FHAD1: variants seen among roughly 807,000 people sequenced by gnomAD.
FHAD1 encodes forkhead associated phosphopeptide binding domain 1, also known as forkhead-associated domain-containing protein 1.
FHAD1 carries 146 observed loss-of-function variants against 191.3 expected under a neutral mutation model. The ratio of observed to expected loss-of-function variants is 0.76; its 90% confidence interval spans 0.67 to 0.88. The LOEUF (loss-of-function observed/expected upper bound fraction) is 0.88. Among genes scored for constraint, FHAD1 ranks in the 40% least tolerant of loss-of-function variants. FHAD1 has a pLI of 0.00. For synonymous variants in FHAD1, 616 were observed against 672.3 expected (o/e 0.92, Z 1.29); for missense variants, 1,635 against 1,785.8 (o/e 0.92, Z 1.52).
chr1:15,355,878 C>CA (rs34637530), intron 20 of FHAD1, among the ~76,000 whole-genome samples: 10 of 134,828 alleles, frequency 7.4e-5, no homozygotes, highest in African/African-American at 2.7e-4. Context: ...TTAATTTATT[C>CA]AAAAAAAAGT....
chr1:15,375,045 A>T (rs1354212347), intron 27 of FHAD1, among the ~76,000 whole-genome samples: 4 of 151,544 alleles, frequency 2.6e-5, no homozygotes, highest in African/African-American at 9.7e-5. Context: ...TTTAGTAGAG[A>T]CGGGATTTCA....
chr1:15,256,201 A>G (rs12043769), intron 2 of FHAD1, among the ~76,000 whole-genome samples: 13,104 of 152,250 alleles, frequency 0.086, 1,152 homozygotes, highest in East Asian at 0.25. Flanking sequence ...GAACGCAGCA[A>G]TGTCACAAGC....
chr1:15,378,837 T>C (rs1232571367), intron 28 of FHAD1, among the ~76,000 whole-genome samples: 4 of 152,202 alleles, frequency 2.6e-5, no homozygotes, highest in African/African-American at 9.7e-5. Context: ...TTGGTGTTCG[T>C]GGCGAGCACT....
At chr1:15,278,376 C>T (rs990995760) in intron 3 of FHAD1, among the ~76,000 whole-genome samples, 1 of 152,088 alleles carries the variant, frequency 6.6e-6, no homozygotes, top group South Asian at 2.1e-4. Flanking sequence ...AGAATGAATG[C>T]CCCCACTATC....
downstream of FHAD1, chr1:15,399,842 T>C (rs1436813262): frequency 1.3e-5 from 2 of 152,312 alleles, no homozygotes; most frequent in Non-Finnish European, 1.5e-5. Flanking sequence ...GTGCAGCAGA[T>C]ACTGCAGCTG....
chr1:15,361,784 AT>A (rs1694887253), intron 22 of FHAD1, among the ~76,000 whole-genome samples: 1 of 151,704 alleles, frequency 6.6e-6, no homozygotes. Context: ...AGGCCGGCGG[AT>A]CACTAGGCCA....
At chr1:15,265,430 T>C (rs1040862790) in intron 2 of FHAD1, among the ~76,000 whole-genome samples, 6 of 152,330 alleles carry the variant, frequency 3.9e-5, no homozygotes, top group Middle Eastern at 3.4e-3. Flanking sequence ...CAGAGCTTTC[T>C]ACTAACATCA....
In FHAD1 at chr1:15,328,255, T is replaced by TC. The variant is rs1182814632; in HGVS notation, c.1558-20dup. 6 of 1,458,600 alleles carry TC rather than the reference T, an allele frequency of 4.1e-6. No homozygotes were observed. In the South Asian group the frequency reaches 7.1e-5, roughly 17 times the overall value. The allele number at this position is 1,458,600 out of a possible 1,614,324, so 90.4% of individuals were successfully genotyped here. ...GTATGTTACATCTTTTTTTTTTTTT[T>TC]CCTTTTTCTTTTTCTCACCAGTTAA... On this transcript the variant is annotated intron_variant, in intron 12 of 33. Coordinates refer to ENST00000688493, the MANE Select transcript of FHAD1 (RefSeq NM_001391957.1).
chr1:15,281,531 G>A (rs941816954), intron 3 of FHAD1, among the ~76,000 whole-genome samples: 4 of 151,996 alleles, frequency 2.6e-5, no homozygotes, highest in Admixed American at 1.3e-4. Context: ...AAGTCAAGGT[G>A]GGTGGATCAC....
chr1:15,312,961 T>G lies in FHAD1; in HGVS notation c.1040-96T>G, dbSNP rs1459682198. ...CTGGGATCCTTGGAGACACCTCCCTTCTCAGTGCCAGGCTCGTCACAAACT... is the reference window on the plus strand; with the variant it reads ...CTGGGATCCTTGGAGACACCTCCCTGCTCAGTGCCAGGCTCGTCACAAACT... On this transcript the variant is annotated intron_variant, in intron 7 of 33. Transcript: ENST00000688493. The surrounding 1 kb of genome is among the most constrained non-coding windows in gnomAD (Gnocchi z 4.7). 1.8e-5 allele frequency: 26 copies of G among 1,467,714 alleles called. No individual in the cohort carries two copies. Among genetic ancestry groups the G allele is most frequent in the Non-Finnish European group, 2.4e-5 (26 of 1,088,448 alleles). 90.9% of individuals were successfully genotyped at this position (1,467,714 alleles called of 1,614,324 possible). A position where few individuals can be genotyped will look rare whatever the true frequency, so the allele number is the denominator to read the frequency against.
intron 6 of FHAD1, among the ~76,000 whole-genome samples, chr1:15,303,774 G>C (rs1669564507): frequency 1.3e-5 from 2 of 151,890 alleles, no homozygotes. Context: ...ACTTGAACTT[G>C]GGAGGTAGAG....
chr1:15,306,421 G>T (rs1399263789), intron 6 of FHAD1, among the ~76,000 whole-genome samples: 1 of 152,232 alleles, frequency 6.6e-6, no homozygotes, highest in Non-Finnish European at 1.5e-5. Context: ...GCCAGCTGCA[G>T]AAATTTGCAT....
Position 15,367,503 on chromosome 1 carries a change from C to T in FHAD1, c.3195C>T (p.Asn1065=), listed in dbSNP as rs887478575. The T allele has an allele frequency of 4.5e-6, 7 of 1,551,324 alleles. No homozygotes were observed. Among genetic ancestry groups the T allele is most frequent in the African/African-American group, 1.4e-5 (1 of 73,070 alleles). The stretch of plus-strand genomic sequence containing the variant: ...AGCAGAAGATGGAACTGGAGCAGAA[C>T]GTGGTGCTGGTCCAGCAGCAGAGCA... ...NEKQKMELEQ[N]VVLVQQQSKE... The change falls in exon 25 of 34, where the codon AAC becomes AAT. Residue 1065 remains asparagine (N), a synonymous_variant. Transcript: ENST00000688493.
chr1:15,236,900 G>A (rs947005837), intron 1 of FHAD1, among the ~76,000 whole-genome samples: 4 of 152,208 alleles, frequency 2.6e-5, no homozygotes, highest in African/African-American at 9.6e-5. Flanking sequence ...CCAGTGGGAG[G>A]TAATTGAGTC....
intron 31 of FHAD1, among the ~76,000 whole-genome samples, chr1:15,387,647 G>T (rs1397223537): frequency 1.3e-5 from 2 of 152,154 alleles, no homozygotes; most frequent in African/African-American, 4.8e-5. Context: ...CACTTTGGGA[G>T]GGTGATGTAG....
chr1:15,398,504 C>A (rs1706662511), downstream of FHAD1, among the ~76,000 whole-genome samples: 1 of 152,094 alleles, frequency 6.6e-6, no homozygotes, highest in Non-Finnish European at 1.5e-5. Flanking sequence ...AATCACACAG[C>A]TAGTCAACTC....
chr1:15,263,864 C>T lies in FHAD1; in HGVS notation c.94-8459C>T, dbSNP rs139245754. 5.5e-3 allele frequency among the ~76,000 whole-genome samples: 834 copies of T among 152,268 alleles called. 5 individuals are homozygous for T. The highest frequency in any genetic ancestry group is 0.019 in the African/African-American group (796 of 41,540). The stretch of plus-strand genomic sequence containing the variant: ...AATACATGTGGATATCCAGTTTTCC[C>T]AGCATCATTTGTTGAAAAGACTGTC... On this transcript the variant is annotated intron_variant, in intron 2 of 33. Transcript: ENST00000688493.
intron 32 of FHAD1, among the ~76,000 whole-genome samples, chr1:15,390,886 A>T (rs1450455991): frequency 2.6e-5 from 4 of 152,038 alleles, no homozygotes; most frequent in Non-Finnish European, 2.9e-5. Flanking sequence ...CTCGAGCTAA[A>T]ACAGACGTGT....
At chr1:15,374,869 T>G (rs867945106) in intron 27 of FHAD1, among the ~76,000 whole-genome samples, 8,267 of 148,542 alleles carry the variant, frequency 0.056, 275 homozygotes, top group Non-Finnish European at 0.073. Flanking sequence ...TGTTTGTTTT[T>G]TTTTTTTGAG....
Sources: gnomAD v4.1 joint callset for allele counts (sites outside exome capture counted in the v4.1 genomes callset) on GRCh38, gnomAD v4.1.1 for gene constraint, Gnocchi (gnomAD v3.1) non-coding constraint, MANE v1.5 for transcripts, NCBI Gene and HGNC (gene_info 2026-07-23, HGNC 2026-07-21) for gene names.